The following FRMD3 variants were observed in gnomAD, a reference collection of about 807,000 sequenced individuals.
FRMD3 encodes the protein FERM domain containing 3.
FRMD3 carries 33 observed loss-of-function variants against 70.2 expected under a neutral mutation model. The observed-to-expected ratio is 0.47, with a 90% CI of 0.36 to 0.63. The LOEUF (loss-of-function observed/expected upper bound fraction) is 0.63. Among genes scored for constraint, FRMD3 ranks in the 20% least tolerant of loss-of-function variants. FRMD3 has a pLI of 0.00. For synonymous variants in FRMD3, 279 were observed against 255.9 expected (o/e 1.09, Z -0.86); for missense variants, 632 against 711.4 (o/e 0.89, Z 1.27).
At chr9:83,372,819 T>A in intron 3 of FRMD3, 94 bp downstream of exon 3, 1 of 1,147,422 alleles carries the variant, frequency 8.7e-7, no homozygotes, top group Non-Finnish European at 1.3e-6. Flanking sequence ...CCTCTTCAAC[T>A]CTATTATTCC....
chr9:83,326,661 ATC>A (rs764976211), intron 6 of FRMD3, among the ~76,000 whole-genome samples: 3 of 152,172 alleles, frequency 2.0e-5, no homozygotes, highest in Non-Finnish European at 4.4e-5. Flanking sequence ...TTTTCCTTGA[ATC>A]TCCCACTGGG....
intron 13 of FRMD3, among the ~76,000 whole-genome samples, chr9:83,271,326 G>A (rs1313580842): frequency 6.6e-6 from 1 of 152,098 alleles, no homozygotes; most frequent in Non-Finnish European, 1.5e-5. Flanking sequence ...TTGTAATCAG[G>A]TTAGACATTA....
chr9:83,253,046 T>C (rs1832504582), intron 13 of FRMD3, among the ~76,000 whole-genome samples: 1 of 152,068 alleles, frequency 6.6e-6, no homozygotes, highest in South Asian at 2.1e-4. Flanking sequence ...TCTACAGAAA[T>C]CTCCACCTAA....
At chr9:83,513,356 C>T (rs889153171) in intron 1 of FRMD3, among the ~76,000 whole-genome samples, 3 of 152,182 alleles carry the variant, frequency 2.0e-5, no homozygotes, top group African/African-American at 4.8e-5. Context: ...CTGAGGAGCA[C>T]GTCTAGGGTC....
At chr9:83,362,571 GTAAA>G (rs1824627103) in intron 3 of FRMD3, among the ~76,000 whole-genome samples, 1 of 152,206 alleles carries the variant, frequency 6.6e-6, no homozygotes, top group Admixed American at 6.5e-5. Context: ...ACAGTCTCTG[GTAAA>G]TAGGGCAAGA....
intron 2 of FRMD3, among the ~76,000 whole-genome samples, chr9:83,377,281 G>T (rs765231460): frequency 2.6e-5 from 4 of 152,082 alleles, no homozygotes; most frequent in African/African-American, 9.7e-5. Context: ...GTAAAGATCC[G>T]AAATGATACA....
At chr9:83,261,682 G>A (rs1037871950) in intron 13 of FRMD3, among the ~76,000 whole-genome samples, 51 of 152,154 alleles carry the variant, frequency 3.4e-4, no homozygotes, top group African/African-American at 1.2e-3. Context: ...CAGGTCACCA[G>A]TGTCCCTTAA....
intron 1 of FRMD3, among the ~76,000 whole-genome samples, chr9:83,497,119 GTAAA>G (rs998263749): frequency 3.3e-5 from 5 of 152,042 alleles, no homozygotes; most frequent in South Asian, 4.1e-4. Flanking sequence ...TGTCTCAAAA[GTAAA>G]TAAATAAATA....
At chr9:83,449,660 G>T (rs1827584421) in intron 1 of FRMD3, among the ~76,000 whole-genome samples, 1 of 152,188 alleles carries the variant, frequency 6.6e-6, no homozygotes. Flanking sequence ...TGCACAGTTT[G>T]CCAAGCTCAG....
At chr9:83,526,069 G>A (rs1017101501) in intron 1 of FRMD3, among the ~76,000 whole-genome samples, 1 of 152,056 alleles carries the variant, frequency 6.6e-6, no homozygotes, top group Non-Finnish European at 1.5e-5. Flanking sequence ...CCACTCAGAC[G>A]CCCTACAGGC....
chr9:83,496,869 T>G (rs1828955285), intron 1 of FRMD3, among the ~76,000 whole-genome samples: 1 of 152,188 alleles, frequency 6.6e-6, no homozygotes, highest in Non-Finnish European at 1.5e-5. Context: ...ATTCTAGCAC[T>G]TTGGGAGGCC....
intron 1 of FRMD3, among the ~76,000 whole-genome samples, chr9:83,423,783 T>C (rs1826719007): frequency 6.6e-6 from 1 of 151,548 alleles, no homozygotes; most frequent in Non-Finnish European, 1.5e-5. Context: ...TTTTGCAGAG[T>C]TGGGGTTTCA....
At chr9:83,266,977 A>T (rs1435729895) in intron 13 of FRMD3, 8 of 1,546,222 alleles carry the variant, frequency 5.2e-6, no homozygotes, top group Non-Finnish European at 7.0e-6. Context: ...CGCACACTTC[A>T]GGAACAGGAT....
In FRMD3 at chr9:83,317,052, T is replaced by A. The variant is rs78507644; in HGVS notation, c.597-3305A>T. On this transcript the variant is annotated intron_variant, in intron 6 of 13. Coordinates refer to ENST00000304195, the MANE Select transcript of FRMD3 (RefSeq NM_174938.6). ...GGTCACTTCTAAAAAAATTTTTTTT[T>A]AAATTAGCCAGATATTGTGCACTAT... Among the ~76,000 whole-genome samples the A allele has an allele frequency of 7.0e-3, 1,060 of 152,110 alleles. 39 individuals are homozygous for A. Among genetic ancestry groups the A allele is most frequent in the Admixed American group, 0.047 (721 of 15,250 alleles).
At chr9:83,528,527 C>G (rs1251479094) in intron 1 of FRMD3, among the ~76,000 whole-genome samples, 1 of 151,612 alleles carries the variant, frequency 6.6e-6, no homozygotes, top group Non-Finnish European at 1.5e-5. Context: ...GGACAGTCAC[C>G]TAAACCAGCA....
chr9:83,442,798 C>T lies in FRMD3; in HGVS notation c.148-53090G>A, dbSNP rs537185018. On this transcript the variant is annotated intron_variant, in intron 1 of 13. Transcript: ENST00000304195. ...TGTGTGAGTTACCTCCCTTTCATCT[C>T]CCCTCTCCTCCCCATCTCATTCTGT... is the stretch of plus-strand genomic sequence containing the variant. 2.4e-3 allele frequency among the ~76,000 whole-genome samples: 362 copies of T among 152,218 alleles called. 1 individual carries two copies. Among genetic ancestry groups the T allele is most frequent in the African/African-American group, 8.3e-3 (343 of 41,532 alleles).
chr9:83,295,178 A>C (rs2118998873), intron 12 of FRMD3, among the ~76,000 whole-genome samples: 1 of 152,294 alleles, frequency 6.6e-6, no homozygotes, highest in African/African-American at 2.4e-5. Flanking sequence ...ACTGGGGCAA[A>C]TGTGGTTTGA....
intron 12 of FRMD3, among the ~76,000 whole-genome samples, chr9:83,291,213 A>G (rs991525371): frequency 2.0e-5 from 3 of 152,208 alleles, no homozygotes; most frequent in African/African-American, 7.2e-5. Flanking sequence ...CCAATGTTTA[A>G]TATCAGTGTT....
chr9:83,581,967 T>C, the FRMD3 span, among the ~76,000 whole-genome samples: 3 of 152,244 alleles, frequency 2.0e-5, no homozygotes, highest in Non-Finnish European at 4.4e-5. Flanking sequence ...ATGGCAGCGA[T>C]GCTTGCGTAA....
Sources: gnomAD v4.1 joint callset for allele counts (sites outside exome capture counted in the v4.1 genomes callset) on GRCh38, gnomAD v4.1.1 for gene constraint, MANE v1.5 for transcripts, NCBI Gene and HGNC (gene_info 2026-07-23, HGNC 2026-07-21) for gene names.